KCNK9: variants seen among roughly 807,000 people sequenced by gnomAD.
KCNK9 encodes the protein potassium channel subfamily K member 9.
In KCNK9, 1 loss-of-function variant was observed where a neutral mutation model predicts 10.8. The observed-to-expected ratio is 0.09, with a 90% CI of 0.03 to 0.44. The LOEUF (loss-of-function observed/expected upper bound fraction) is 0.44, where lower values mean the gene tolerates loss of function less well. Ranked by LOEUF, KCNK9 falls within the 20% of genes least tolerant of loss-of-function variation. KCNK9 has a pLI of 0.97. For synonymous variants in KCNK9, 231 were observed against 222.7 expected, an observed-to-expected ratio of 1.04 and a Z score of -0.33; for missense variants, 303 against 515.0, an observed-to-expected ratio of 0.59 and a Z score of 3.98.
rs1563754125 is a variant in KCNK9, at chr8:139,693,121, C to T, written c.283+9589G>A. Among the ~76,000 whole-genome samples the T allele has an allele frequency of 6.6e-6, 1 of 152,162 alleles. No individual in the cohort carries two copies. Among genetic ancestry groups the T allele is most frequent in the South Asian group, 2.1e-4 (1 of 4,826 alleles). On this transcript the variant is annotated intron_variant, in intron 1 of 1. Coordinates refer to ENST00000520439, the MANE Select transcript of KCNK9 (RefSeq NM_001282534.2). The surrounding 1 kb of genome is among the most constrained non-coding windows in gnomAD (Gnocchi z 4.1). ...TCTGACAAACACCACATGTGCGCTG[C>T]GTGCCTGTCAGCTGCAGGTAAAGGC...
At chr8:139,655,547 G>A (rs1267292520) in intron 1 of KCNK9, among the ~76,000 whole-genome samples, 1 of 152,208 alleles carries the variant, frequency 6.6e-6, no homozygotes, top group African/African-American at 2.4e-5. Flanking sequence ...TCCCAGGAGG[G>A]AGGCAGGAAG....
At chr8:139,604,182 A>C (rs1489440674) in intron 2 of KCNK9, among the ~76,000 whole-genome samples, 1 of 152,222 alleles carries the variant, frequency 6.6e-6, no homozygotes, top group Non-Finnish European at 1.5e-5. Flanking sequence ...TTAGGTATTC[A>C]GGGAAGGCTG....
chr8:139,604,228 A>G (rs1457772727), intron 2 of KCNK9, among the ~76,000 whole-genome samples: 1 of 152,212 alleles, frequency 6.6e-6, no homozygotes, highest in Non-Finnish European at 1.5e-5. Context: ...TCTAGGGTAG[A>G]GCTGTGAATG....
At chr8:139,690,348 T>TA (rs775701178) in intron 1 of KCNK9, among the ~76,000 whole-genome samples, 21 of 152,196 alleles carry the variant, frequency 1.4e-4, no homozygotes, top group Admixed American at 3.3e-4. Context: ...ATAGTGACTG[T>TA]AAAAAAACAG....
chr8:139,618,406 T>C lies in KCNK9; in HGVS notation c.977A>G (p.Tyr326Cys). Reference protein sequence around the residue: ...NSFSAKLAPHYFHSISYKIEE... With the variant: ...NSFSAKLAPHCFHSISYKIEE... ...GATCTTGTAAGAGATGGAGTGGAAG[T>C]AGTGGGGGGCAAGCTTGGCGCTGAA... is the stretch of plus-strand genomic sequence containing the variant. The change falls in exon 2 of 2, where the codon TAC (tyrosine) becomes TGC (cysteine). Residue 326 changes from tyrosine (Y) to cysteine (C), a missense_variant. Around this residue, in one of 5 missense-constraint regions of KCNK9, gnomAD observed 138 missense variants for 161.1 expected, o/e 0.86. Transcript: ENST00000520439. The surrounding 1 kb of genome is among the most constrained non-coding windows in gnomAD (Gnocchi z 7.9). 1.2e-6 allele frequency: 2 copies of C among 1,613,968 alleles called. No individual in the cohort carries two copies. The highest frequency in any genetic ancestry group is 1.1e-5 in the South Asian group (1 of 91,062).
At chr8:139,697,826 C>T (rs1817099975) in intron 1 of KCNK9, among the ~76,000 whole-genome samples, 2 of 152,178 alleles carry the variant, frequency 1.3e-5, no homozygotes, top group African/African-American at 4.8e-5. Flanking sequence ...GTGTCCATGA[C>T]ATCTACAAAG....
chr8:139,658,062 T>A (rs897230505), intron 1 of KCNK9, among the ~76,000 whole-genome samples: 29 of 152,182 alleles, frequency 1.9e-4, no homozygotes, highest in African/African-American at 6.8e-4. Context: ...CAGGTCAGGG[T>A]CATGGCATGA....
At chr8:139,619,214 G>T in intron 1 of KCNK9, 115 bp from the exon 2 acceptor site, 1 of 1,199,212 alleles carries the variant, frequency 8.3e-7, no homozygotes, top group Non-Finnish European at 1.2e-6. Context: ...CCTGGTACTG[G>T]GGGAATTTCC....
At chr8:139,622,176 G>A (rs563308566) in intron 1 of KCNK9, among the ~76,000 whole-genome samples, 53 of 152,298 alleles carry the variant, frequency 3.5e-4, no homozygotes, top group African/African-American at 1.2e-3. Flanking sequence ...GGTAAGACAC[G>A]TGCATGAGAG....
chr8:139,633,190 C>T (rs924468789), intron 1 of KCNK9, among the ~76,000 whole-genome samples: 3 of 152,126 alleles, frequency 2.0e-5, no homozygotes, highest in Non-Finnish European at 4.4e-5. Flanking sequence ...CGAATATACA[C>T]ATGACATGCT....
At chr8:139,686,537 G>A (rs1816793017) in intron 1 of KCNK9, among the ~76,000 whole-genome samples, 1 of 152,210 alleles carries the variant, frequency 6.6e-6, no homozygotes, top group Non-Finnish European at 1.5e-5. Context: ...TTTTAAATGT[G>A]CAAAATGCAA....
At chr8:139,685,382 A>T (rs1816767293) in intron 1 of KCNK9, among the ~76,000 whole-genome samples, 1 of 152,160 alleles carries the variant, frequency 6.6e-6, no homozygotes, top group Non-Finnish European at 1.5e-5. Context: ...TGCTGCACCC[A>T]TCAACTCGTC....
intron 1 of KCNK9, among the ~76,000 whole-genome samples, chr8:139,701,165 G>A (rs1238869793): frequency 2.0e-5 from 3 of 152,174 alleles, no homozygotes; most frequent in African/African-American, 4.8e-5. Flanking sequence ...AGAGAAAATG[G>A]CAATGACTGG....
chr8:139,617,943 A>G lies in KCNK9; in HGVS notation c.*315T>C. ...CTTGGTCTCACATCTGTCCCGGGAA[A>G]ACCACTGCAGAGATGATGGGGTGGG... On this transcript the variant is annotated 3_prime_UTR_variant, in exon 2 of 2. Transcript: ENST00000520439. 1 of 379,414 alleles carries G rather than the reference A, an allele frequency of 2.6e-6. No individual in the cohort carries two copies. 23.5% of individuals were successfully genotyped at this position (379,414 alleles called of 1,614,324 possible). A position where few individuals can be genotyped will look rare whatever the true frequency, so the allele number is the denominator to read the frequency against.
At chr8:139,623,543 C>T (rs1002057740) in intron 1 of KCNK9, among the ~76,000 whole-genome samples, 5 of 152,092 alleles carry the variant, frequency 3.3e-5, no homozygotes, top group African/African-American at 1.2e-4. Context: ...CAGGTGACCC[C>T]TAGGCTGTCT....
intron 1 of KCNK9, among the ~76,000 whole-genome samples, chr8:139,645,891 T>C (rs1017569500): frequency 1.3e-5 from 2 of 152,180 alleles, no homozygotes; most frequent in African/African-American, 4.8e-5. Context: ...CTGCCCTGCC[T>C]GTGCCAGAAG....
chr8:139,637,852 A>C (rs973065490), intron 1 of KCNK9, among the ~76,000 whole-genome samples: 2 of 151,740 alleles, frequency 1.3e-5, no homozygotes, highest in African/African-American at 4.9e-5. Context: ...TGAACCCAGC[A>C]GCAGACCTCA....
chr8:139,662,078 C>T (rs529933178), intron 1 of KCNK9, among the ~76,000 whole-genome samples: 8 of 152,338 alleles, frequency 5.3e-5, no homozygotes, highest in South Asian at 4.1e-4. Context: ...ACTTCCCCAG[C>T]GCCTGCCTAG....
At chr8:139,650,937 G>A (rs1372591388) in intron 1 of KCNK9, among the ~76,000 whole-genome samples, 1 of 152,180 alleles carries the variant, frequency 6.6e-6, no homozygotes, top group Non-Finnish European at 1.5e-5. Context: ...GGCCTTCAGA[G>A]CCCCTTCCAA....
Sources: gnomAD v4.1 joint callset for allele counts (sites outside exome capture counted in the v4.1 genomes callset) on GRCh38, gnomAD v4.1.1 for gene constraint, gnomAD v4.1.1 regional missense constraint, Gnocchi (gnomAD v3.1) non-coding constraint, MANE v1.5 for transcripts, NCBI Gene and HGNC (gene_info 2026-07-23, HGNC 2026-07-21) for gene names.